Variants in NTN1 observed in about 807,000 individuals in gnomAD.
NTN1 encodes netrin-1.
A neutral mutation model predicts 54.2 loss-of-function variants in NTN1; 11 were observed. The observed-to-expected ratio is 0.20, with a 90% CI of 0.13 to 0.34. NTN1 has a LOEUF of 0.34. Ranked by LOEUF, NTN1 falls within the 10% of genes least tolerant of loss-of-function variation. The pLI, the probability that NTN1 is intolerant of heterozygous loss-of-function variation, is 1.00. For missense variants in NTN1, 740 were observed against 893.1 expected, an observed-to-expected ratio of 0.83 and a Z score of 2.18; for synonymous variants, 371 against 382.0, an observed-to-expected ratio of 0.97 and a Z score of 0.33.
intron 2 of NTN1, among the ~76,000 whole-genome samples, chr17:9,032,606 A>G (rs1197722638): frequency 1.3e-5 from 2 of 152,238 alleles, no homozygotes; most frequent in Non-Finnish European, 2.9e-5. Context: ...GTGCCGAACA[A>G]GAATAGTTCC....
intron 2 of NTN1, among the ~76,000 whole-genome samples, chr17:9,162,605 C>A (rs1429798597): frequency 1.3e-5 from 2 of 152,186 alleles, no homozygotes; most frequent in Non-Finnish European, 2.9e-5. Context: ...TTTGGGAGAA[C>A]CTTAGCCATG....
chr17:9,003,355 C>T, the NTN1 span, among the ~76,000 whole-genome samples: 2 of 151,718 alleles, frequency 1.3e-5, no homozygotes, highest in Non-Finnish European at 2.9e-5. The surrounding 1 kb of genome is among the most constrained non-coding windows in gnomAD (Gnocchi z 7.4). Context: ...CCATCCCGGG[C>T]GGTGCGTGGA....
chr17:9,121,438 C>T (rs962348433), intron 2 of NTN1, among the ~76,000 whole-genome samples: 3 of 152,126 alleles, frequency 2.0e-5, no homozygotes, highest in African/African-American at 7.2e-5. Context: ...CTGCCCAATG[C>T]GTGCTTCCCC....
At chr17:9,093,359 T>C (rs1305518998) in intron 2 of NTN1, among the ~76,000 whole-genome samples, 1 of 152,170 alleles carries the variant, frequency 6.6e-6, no homozygotes, top group Non-Finnish European at 1.5e-5. Context: ...TTATTCTAAA[T>C]TTTATTTATT....
chr17:9,105,729 G>C (rs968641277), intron 2 of NTN1, among the ~76,000 whole-genome samples: 1 of 151,444 alleles, frequency 6.6e-6, no homozygotes. Flanking sequence ...TTGACCTCAC[G>C]CAGTTGGTAG....
At chr17:9,187,830 CAAAA>C (rs145501658) in intron 5 of NTN1, among the ~76,000 whole-genome samples, 1 of 144,988 alleles carries the variant, frequency 6.9e-6, no homozygotes, top group African/African-American at 2.5e-5. Context: ...GACCACATCT[CAAAA>C]AAAAAAAGAA....
At chr17:9,008,281 G>T in the NTN1 span, among the ~76,000 whole-genome samples, 50,621 of 151,398 alleles carry the variant, frequency 0.33, 9,251 homozygotes, top group African/African-American at 0.49. Context: ...GCTGGTTCTA[G>T]GCAACTTTTT....
In NTN1 at chr17:9,240,058, C is replaced by A; in HGVS notation, c.*90C>A. 1 of 441,230 alleles carries A rather than the reference C, an allele frequency of 2.3e-6. No individual in the cohort carries two copies. Among genetic ancestry groups the A allele is most frequent in the Non-Finnish European group, 2.9e-6 (1 of 348,808 alleles). The allele number at this position is 441,230 out of a possible 1,614,324, so 27.3% of individuals were successfully genotyped here. ...TGGCCCGGCCGCCGCGGACTTGGCC[C>A]GCGAGGGCTTTCCCAGGTGGGGGGA... On this transcript the variant is annotated 3_prime_UTR_variant, in exon 7 of 7. Transcript: ENST00000173229.
intron 2 of NTN1, among the ~76,000 whole-genome samples, chr17:9,100,592 C>T (rs1266908454): frequency 6.6e-6 from 1 of 152,152 alleles, no homozygotes; most frequent in Non-Finnish European, 1.5e-5. Context: ...TGAGCCACTG[C>T]GCCTGGCCTT....
intron 2 of NTN1, among the ~76,000 whole-genome samples, chr17:9,087,766 G>A (rs1415676285): frequency 6.6e-6 from 1 of 152,240 alleles, no homozygotes; most frequent in Non-Finnish European, 1.5e-5. Context: ...GGCCTGTGCC[G>A]ATTTGCCCAG....
In NTN1 at chr17:9,198,716, C is replaced by T. The variant is rs192203380; in HGVS notation, c.1411+15747C>T. 3.4e-3 allele frequency among the ~76,000 whole-genome samples: 514 copies of T among 152,248 alleles called. 2 individuals carry two copies. Among genetic ancestry groups the T allele is most frequent in the African/African-American group, 0.012 (485 of 41,550 alleles). ...ATCTCTTCTCTAGAAGACCAGAGAC[C>T]AAGGGGAACTGGAGCGAGAGAATCA... On this transcript the variant is annotated intron_variant, in intron 5 of 6. Transcript: ENST00000173229.
chr17:9,082,586 G>A (rs1326426440), intron 2 of NTN1, among the ~76,000 whole-genome samples: 1 of 152,202 alleles, frequency 6.6e-6, no homozygotes, highest in Non-Finnish European at 1.5e-5. Context: ...GCAGAGTGTG[G>A]GGCCGTGAGC....
intron 3 of NTN1, among the ~76,000 whole-genome samples, chr17:9,172,313 T>C (rs2092389164): frequency 6.6e-6 from 1 of 151,620 alleles, no homozygotes; most frequent in South Asian, 2.1e-4. Flanking sequence ...CTGGGAAACA[T>C]AGTGAAAATA....
At chr17:9,163,083 A>G (rs1369960587) in intron 3 of NTN1, 82 bp downstream of exon 3, 17 of 1,384,688 alleles carry the variant, frequency 1.2e-5, no homozygotes, top group African/African-American at 2.9e-5. Context: ...TTCCTTTTCT[A>G]TTTTCTTCCA....
chr17:9,233,507 G>A (rs1905883983), intron 6 of NTN1, among the ~76,000 whole-genome samples: 1 of 151,982 alleles, frequency 6.6e-6, no homozygotes, highest in South Asian at 2.1e-4. Context: ...TTCTGGGGTG[G>A]TGACAATGCA....
At chr17:9,078,151 G>C (rs577676014) in intron 2 of NTN1, among the ~76,000 whole-genome samples, 12 of 152,326 alleles carry the variant, frequency 7.9e-5, no homozygotes, top group African/African-American at 2.9e-4. Context: ...AGTGTGCTTG[G>C]TGATGGGAGA....
chr17:9,222,188 C>G (rs1266655770), intron 6 of NTN1, among the ~76,000 whole-genome samples: 18 of 152,214 alleles, frequency 1.2e-4, no homozygotes, highest in Non-Finnish European at 2.5e-4. Context: ...GGGGCTGGCC[C>G]CCCAATTCTG....
chr17:9,068,512 A>AT (rs34047213), intron 2 of NTN1, among the ~76,000 whole-genome samples: 11,976 of 141,128 alleles, frequency 0.085, 617 homozygotes, highest in Non-Finnish European at 0.12. Context: ...GTATGTGTGA[A>AT]TTTTTTTTTT....
At chr17:9,082,225 A>C (rs1441200263) in intron 2 of NTN1, among the ~76,000 whole-genome samples, 1 of 151,974 alleles carries the variant, frequency 6.6e-6, no homozygotes, top group Non-Finnish European at 1.5e-5. Flanking sequence ...ACATCCGGCT[A>C]ATTTTTTGTA....
Sources: allele counts gnomAD v4.1 joint callset (sites outside exome capture counted in the v4.1 genomes callset), GRCh38; gene constraint gnomAD v4.1.1; non-coding constraint Gnocchi (gnomAD v3.1); transcripts MANE v1.5; gene names NCBI Gene and HGNC (gene_info 2026-07-23, HGNC 2026-07-21).